The following MSI2 variants were observed in gnomAD, a reference collection of about 807,000 sequenced individuals.
MSI2 encodes RNA-binding protein Musashi homolog 2.
In MSI2, 17 loss-of-function variants were observed where a neutral mutation model predicts 45.6. The observed-to-expected ratio is 0.37, with a 90% CI of 0.26 to 0.56. MSI2 has a LOEUF of 0.56. Ranked by LOEUF, MSI2 falls within the 20% of genes least tolerant of loss-of-function variation. The pLI is 0.77. For missense variants in MSI2, 293 were observed against 444.2 expected, an observed-to-expected ratio of 0.66 and a Z score of 3.06; for synonymous variants, 156 against 158.2, an observed-to-expected ratio of 0.99 and a Z score of 0.11.
chr17:57,535,767 G>A (rs895605852), intron 7 of MSI2, among the ~76,000 whole-genome samples: 2 of 152,196 alleles, frequency 1.3e-5, no homozygotes, highest in Non-Finnish European at 2.9e-5. Context: ...AGAGGGAGGA[G>A]CATCCAGGCA....
At chr17:57,615,843 A>G (rs1431117110) in intron 8 of MSI2, 127 bp from the exon 9 acceptor site, 4 of 680,844 alleles carry the variant, frequency 5.9e-6, no homozygotes, top group African/African-American at 5.4e-5. Context: ...TTTACTCGGC[A>G]TGGCTATTTT....
chr17:57,288,896 G>C (rs777794558), intron 5 of MSI2, among the ~76,000 whole-genome samples: 1 of 152,128 alleles, frequency 6.6e-6, no homozygotes, highest in South Asian at 2.1e-4. Flanking sequence ...CGGCATCCCC[G>C]GCCTCTACCC....
chr17:57,427,599 C>T (rs1330033379), intron 6 of MSI2, among the ~76,000 whole-genome samples: 3 of 152,026 alleles, frequency 2.0e-5, no homozygotes, highest in Admixed American at 1.3e-4. Flanking sequence ...AGGCCACGTA[C>T]GTAAAGTGTC....
chr17:57,301,757 C>T lies in MSI2; in HGVS notation c.312+39565C>T, dbSNP rs532805753. Among the ~76,000 whole-genome samples, 84 of 146,928 alleles carry T rather than the reference C, an allele frequency of 5.7e-4. 1 individual carries two copies. In the South Asian group the frequency reaches 0.017, roughly 30 times the overall value. On this transcript the variant is annotated intron_variant, in intron 5 of 13. Coordinates refer to ENST00000284073, the MANE Select transcript of MSI2 (RefSeq NM_138962.4). ...AGTTTAATTTTTGGCTAGCTCAAAC[C>T]GTGCTGCAGCGAATATTCTTGGTTT...
intron 5 of MSI2, among the ~76,000 whole-genome samples, chr17:57,370,075 A>G (rs886191805): frequency 4.6e-5 from 7 of 152,234 alleles, no homozygotes; most frequent in African/African-American, 1.7e-4. Flanking sequence ...TAAACCAACA[A>G]TGAAACGTTA....
At chr17:57,458,083 C>T (rs2143597451) in intron 6 of MSI2, among the ~76,000 whole-genome samples, 1 of 151,172 alleles carries the variant, frequency 6.6e-6, no homozygotes, top group South Asian at 2.1e-4. Context: ...ACTATATTAG[C>T]CTGACATATA....
the MSI2 span, among the ~76,000 whole-genome samples, chr17:57,698,892 AGTGTGT>A: frequency 0.11 from 13,355 of 118,420 alleles, 884 homozygotes; most frequent in South Asian, 0.14. Context: ...GATACAAGGA[AGTGTGT>A]GTGTGTGTGT....
At chr17:57,631,449 G>A (rs1909365285) in intron 10 of MSI2, 3 of 267,134 alleles carry the variant, frequency 1.1e-5, no homozygotes, top group Non-Finnish European at 1.4e-5. Context: ...GGGGCTGCAC[G>A]GACCTTCCTG....
intron 10 of MSI2, among the ~76,000 whole-genome samples, chr17:57,642,669 G>A (rs1020947584): frequency 2.0e-5 from 3 of 152,092 alleles, no homozygotes; most frequent in African/African-American, 7.2e-5. Flanking sequence ...GCAACTCTAA[G>A]CTCCATGAGG....
At chr17:57,515,443 G>A (rs554688329) in intron 6 of MSI2, among the ~76,000 whole-genome samples, 3 of 152,280 alleles carry the variant, frequency 2.0e-5, no homozygotes, top group African/African-American at 7.2e-5. Context: ...GACCTCAGGT[G>A]ATCCATTTGC....
chr17:57,527,287 G>A (rs1302788579), intron 6 of MSI2, among the ~76,000 whole-genome samples: 1 of 122,762 alleles, frequency 8.1e-6, no homozygotes, highest in Non-Finnish European at 1.7e-5. Flanking sequence ...CCACACCCCA[G>A]GCATTCGAAT....
At chr17:57,329,365 A>G (rs1914069520) in intron 5 of MSI2, among the ~76,000 whole-genome samples, 1 of 152,236 alleles carries the variant, frequency 6.6e-6, no homozygotes, top group Non-Finnish European at 1.5e-5. Context: ...TGCATTCCCA[A>G]GAGTGTGTTC....
At chr17:57,349,859 T>C (rs1915880228) in intron 5 of MSI2, among the ~76,000 whole-genome samples, 1 of 152,218 alleles carries the variant, frequency 6.6e-6, no homozygotes, top group South Asian at 2.1e-4. Context: ...CAGGAAGATA[T>C]ATACTGAAAA....
intron 6 of MSI2, among the ~76,000 whole-genome samples, chr17:57,468,414 A>C (rs952074583): frequency 5.3e-5 from 8 of 150,730 alleles, no homozygotes. Flanking sequence ...CCAGCTGCTC[A>C]GGAGGCTGAG....
chr17:57,421,546 TCC>T (rs2084396720), intron 6 of MSI2, among the ~76,000 whole-genome samples: 2 of 152,014 alleles, frequency 1.3e-5, no homozygotes, highest in South Asian at 4.1e-4. Context: ...TTCATTCTCC[TCC>T]TCCTCCTCCT....
At chr17:57,372,735 G>A (rs1267245308) in intron 5 of MSI2, among the ~76,000 whole-genome samples, 2 of 152,022 alleles carry the variant, frequency 1.3e-5, no homozygotes, top group African/African-American at 2.4e-5. Context: ...ACTGTTCATC[G>A]CCCCTATTCA....
intron 5 of MSI2, among the ~76,000 whole-genome samples, chr17:57,262,767 C>A (rs1907435644): frequency 6.6e-6 from 1 of 152,162 alleles, no homozygotes; most frequent in African/African-American, 2.4e-5. Context: ...TGGAGAAGTC[C>A]TGAAAATGTT....
intron 5 of MSI2, among the ~76,000 whole-genome samples, chr17:57,324,949 G>A (rs571121848): frequency 6.6e-6 from 1 of 152,312 alleles, no homozygotes; most frequent in East Asian, 1.9e-4. Context: ...GGAGGGTTGA[G>A]TTGCCACAGC....
Position 57,447,289 on chromosome 17 carries a change from G to T in MSI2, c.405+45818G>T, listed in dbSNP as rs1196042978. 2.0e-5 allele frequency among the ~76,000 whole-genome samples: 3 copies of T among 152,060 alleles called. No individual in the cohort carries two copies. In the East Asian group the frequency reaches 5.8e-4, roughly 29 times the overall value. Reference sequence around the variant, plus strand: ...TTCGTTATTTATTTATTTTTTGTAGGTATGATACCTCCCTATGTTGCCTGG... The same window carrying T: ...TTCGTTATTTATTTATTTTTTGTAGTTATGATACCTCCCTATGTTGCCTGG... On this transcript the variant is annotated intron_variant, in intron 6 of 13. Coordinates refer to ENST00000284073, the MANE Select transcript of MSI2 (RefSeq NM_138962.4).
Sources: gnomAD v4.1 joint callset for allele counts (sites outside exome capture counted in the v4.1 genomes callset) on GRCh38, gnomAD v4.1.1 for gene constraint, MANE v1.5 for transcripts, NCBI Gene and HGNC (gene_info 2026-07-23, HGNC 2026-07-21) for gene names.